The following PDE4D variants were observed in gnomAD, a reference collection of about 807,000 sequenced individuals.
PDE4D encodes phosphodiesterase 4D, also known as 3',5'-cyclic-AMP phosphodiesterase 4D.
PDE4D carries 24 observed loss-of-function variants against 87.4 expected under a neutral mutation model. That is an observed-to-expected ratio of 0.27 (90% CI 0.20 to 0.39). PDE4D has a LOEUF of 0.39. Ranked by LOEUF, PDE4D falls within the 10% of genes least tolerant of loss-of-function variation. The pLI, the probability that PDE4D is intolerant of heterozygous loss-of-function variation, is 1.00. For synonymous variants in PDE4D, 384 were observed against 383.2 expected (o/e 1.00, Z -0.02); for missense variants, 714 against 1,041.0 (o/e 0.69, Z 4.32).
chr5:60,119,191 AC>A (rs1345082417), intron 2 of PDE4D, among the ~76,000 whole-genome samples: 1 of 152,158 alleles, frequency 6.6e-6, no homozygotes, highest in Admixed American at 6.6e-5. Flanking sequence ...GATGATATTA[AC>A]CTTATGCTCA....
intron 2 of PDE4D, among the ~76,000 whole-genome samples, chr5:59,997,931 C>T (rs889201566): frequency 1.3e-5 from 2 of 152,196 alleles, no homozygotes; most frequent in Non-Finnish European, 2.9e-5. Flanking sequence ...GTGACACTAT[C>T]AACTGTACAG....
At chr5:59,753,791 C>T (rs977659383) in intron 1 of PDE4D, among the ~76,000 whole-genome samples, 5 of 152,172 alleles carry the variant, frequency 3.3e-5, no homozygotes, top group Non-Finnish European at 7.3e-5. Context: ...TTTGCCATGA[C>T]TAATACTGTG....
intron 1 of PDE4D, among the ~76,000 whole-genome samples, chr5:59,508,637 G>T (rs1809710501): frequency 6.6e-6 from 1 of 151,592 alleles, no homozygotes; most frequent in African/African-American, 2.4e-5. Context: ...TACAGATATT[G>T]GAACTATCAA....
chr5:60,509,570 A>G (rs1288074802), intron 1 of PDE4D, among the ~76,000 whole-genome samples: 1 of 152,070 alleles, frequency 6.6e-6, no homozygotes, highest in Non-Finnish European at 1.5e-5. Flanking sequence ...TCCCCCTCCA[A>G]TGCTAAGACT....
At chr5:60,191,553 T>C (rs575064661) in intron 1 of PDE4D, among the ~76,000 whole-genome samples, 1 of 152,296 alleles carries the variant, frequency 6.6e-6, no homozygotes, top group South Asian at 2.1e-4. Context: ...TCCCCAGCCA[T>C]GCAGAACTGT....
chr5:60,225,412 G>A (rs1744972890), intron 1 of PDE4D, among the ~76,000 whole-genome samples: 1 of 151,296 alleles, frequency 6.6e-6, no homozygotes, highest in South Asian at 2.1e-4. Context: ...CTGAGATCTA[G>A]ATTGAAGAGG....
upstream of PDE4D, among the ~76,000 whole-genome samples, chr5:59,896,873 C>A (rs796223614): frequency 5.3e-5 from 8 of 152,298 alleles, no homozygotes; most frequent in African/African-American, 1.9e-4. Context: ...AAACTCTTCT[C>A]ATTAATCTAG....
chr5:59,649,915 T>C (rs1743151147), intron 1 of PDE4D, among the ~76,000 whole-genome samples: 1 of 126,550 alleles, frequency 7.9e-6, no homozygotes, highest in Non-Finnish European at 1.7e-5. Context: ...CTTTTTTTTT[T>C]TTTTTTTTTT....
chr5:59,780,398 T>TA (rs1764497847), intron 1 of PDE4D, among the ~76,000 whole-genome samples: 1 of 152,196 alleles, frequency 6.6e-6, no homozygotes, highest in Non-Finnish European at 1.5e-5. Context: ...TTTAGCTCTT[T>TA]AACAATTTTA....
At chr5:59,171,038 C>T (rs746905363) in intron 5 of PDE4D, among the ~76,000 whole-genome samples, 4 of 151,960 alleles carry the variant, frequency 2.6e-5, no homozygotes, top group East Asian at 1.9e-4. Flanking sequence ...CGTGCCACCA[C>T]GCCTGGCTAA....
intron 1 of PDE4D, among the ~76,000 whole-genome samples, chr5:60,283,877 G>A (rs746262436): frequency 6.6e-6 from 1 of 151,940 alleles, no homozygotes; most frequent in Non-Finnish European, 1.5e-5. Context: ...AGGACTGCGT[G>A]TATTTCCTAT....
chr5:59,234,170 A>T (rs1038667561), intron 1 of PDE4D, among the ~76,000 whole-genome samples: 1 of 152,150 alleles, frequency 6.6e-6, no homozygotes, highest in African/African-American at 2.4e-5. Flanking sequence ...AATTTCTCTC[A>T]TTTTTATGAA....
intron 1 of PDE4D, among the ~76,000 whole-genome samples, chr5:60,485,356 T>C (rs564548260): frequency 3.3e-5 from 5 of 151,826 alleles, no homozygotes; most frequent in Admixed American, 6.6e-5. Flanking sequence ...AGGAAAAACG[T>C]TGGAGGGAAG....
chr5:60,225,000 A>T (rs538913540), intron 1 of PDE4D, among the ~76,000 whole-genome samples: 1 of 152,144 alleles, frequency 6.6e-6, no homozygotes, highest in Admixed American at 6.5e-5. Flanking sequence ...ATCCCAGGAT[A>T]TGACAAAATT....
chr5:59,644,961 C>T (rs560971159), intron 1 of PDE4D, among the ~76,000 whole-genome samples: 3 of 152,218 alleles, frequency 2.0e-5, no homozygotes, highest in Admixed American at 6.5e-5. Context: ...CTACTGGAGC[C>T]CAGCTGTTTG....
At chr5:59,711,725 T>A (rs1236569755) in intron 1 of PDE4D, among the ~76,000 whole-genome samples, 2 of 152,208 alleles carry the variant, frequency 1.3e-5, no homozygotes, top group Non-Finnish European at 2.9e-5. Flanking sequence ...GGTAGCATAT[T>A]ATTAATACAC....
intron 2 of PDE4D, among the ~76,000 whole-genome samples, chr5:60,058,100 A>G (rs562656368): frequency 1.3e-5 from 2 of 151,920 alleles, no homozygotes; most frequent in Admixed American, 1.3e-4. Flanking sequence ...CCCGAAATTG[A>G]GGTTTAAAGA....
intron 1 of PDE4D, among the ~76,000 whole-genome samples, chr5:60,412,213 A>G (rs1341012025): frequency 6.6e-6 from 1 of 152,170 alleles, no homozygotes. Context: ...CCACTATTCC[A>G]TCTTGCAAGT....
chr5:59,269,338 G>T (rs929264250), intron 1 of PDE4D, among the ~76,000 whole-genome samples: 1 of 152,012 alleles, frequency 6.6e-6, no homozygotes, highest in Non-Finnish European at 1.5e-5. Context: ...TTCCAGATGA[G>T]CCTAAAATAA....
Sources: gnomAD v4.1 joint callset for allele counts (sites outside exome capture counted in the v4.1 genomes callset) on GRCh38, gnomAD v4.1.1 for gene constraint, MANE v1.5 for transcripts, NCBI Gene and HGNC (gene_info 2026-07-23, HGNC 2026-07-21) for gene names.